The following MED23 variants were observed in gnomAD, a reference collection of about 807,000 sequenced individuals.
MED23 encodes mediator of RNA polymerase II transcription subunit 23.
In MED23, 105 loss-of-function variants were observed where a neutral mutation model predicts 163.9. That is an observed-to-expected ratio of 0.64 (90% CI 0.55 to 0.75). MED23 has a LOEUF of 0.75. Among genes scored for constraint, MED23 ranks in the 30% least tolerant of loss-of-function variants. The pLI, the probability that MED23 is intolerant of heterozygous loss-of-function variation, is 0.00. For missense variants in MED23, 1,054 were observed against 1,649.0 expected (o/e 0.64, Z 6.25); for synonymous variants, 561 against 565.6 (o/e 0.99, Z 0.12).
intron 8 of MED23, 77 bp from the exon 9 acceptor site, chr6:131,618,596 A>G: frequency 1.0e-6 from 1 of 955,456 alleles, no homozygotes; most frequent in Non-Finnish European, 1.7e-6. Context: ...TATTTAATGA[A>G]CATATATGCT....
At chr6:131,617,989 T>C (rs1391727303) in intron 9 of MED23, among the ~76,000 whole-genome samples, 1 of 152,240 alleles carries the variant, frequency 6.6e-6, no homozygotes, top group Non-Finnish European at 1.5e-5. Context: ...AATTCTGTTT[T>C]ACAAGTGTAA....
intron 17 of MED23, among the ~76,000 whole-genome samples, chr6:131,601,247 C>T (rs1367162451): frequency 3.9e-5 from 6 of 152,106 alleles, no homozygotes; most frequent in Admixed American, 6.6e-5. Flanking sequence ...GTATCTACCA[C>T]GACATGATAG....
chr6:131,601,560 A>G (rs1042541275), intron 17 of MED23, among the ~76,000 whole-genome samples: 1 of 152,232 alleles, frequency 6.6e-6, no homozygotes, highest in African/African-American at 2.4e-5. Context: ...GTCAAAGAAC[A>G]TTCCCAATTA....
chr6:131,618,723 A>G (rs1776870535), intron 8 of MED23, among the ~76,000 whole-genome samples: 1 of 152,214 alleles, frequency 6.6e-6, no homozygotes, highest in Non-Finnish European at 1.5e-5. Context: ...AGGCTTTCCA[A>G]AGTTGAAAAT....
downstream of MED23, chr6:131,583,882 A>AT (rs1420954130): frequency 2.5e-5 from 41 of 1,614,150 alleles, no homozygotes; most frequent in Non-Finnish European, 3.5e-5. Context: ...TCACAAGCCT[A>AT]TTGACTACCT....
At position 131,608,017 on chromosome 6, in the gene MED23, G is replaced by A. The variant is rs770689010; in HGVS notation, c.1132C>T (p.Gln378Ter). ...TTCTGAATACTTCCAGAAATGAATTGCAGGAGAACCCACATAAGATGATCT... is the reference window on the plus strand; with the variant it reads ...TTCTGAATACTTCCAGAAATGAATTACAGGAGAACCCACATAAGATGATCT... ...GRDHLMWVLL[Q>*]FISGSIQKNA... The change falls in exon 12 of 29, where the codon CAA becomes TAA. Residue 378 changes from glutamine to a stop codon, truncating the protein, a stop_gained. Transcript: ENST00000368068. LOFTEE classifies it high-confidence loss of function. The A allele has an allele frequency of 6.2e-7, 1 of 1,613,824 alleles. No individual in the cohort carries two copies. Among genetic ancestry groups the A allele is most frequent in the Admixed American group, 1.7e-5 (1 of 60,006 alleles).
intron 23 of MED23, 64 bp from the exon 24 acceptor site, chr6:131,593,235 G>A (rs563682431): frequency 5.0e-4 from 801 of 1,590,824 alleles, no homozygotes; most frequent in Non-Finnish European, 6.7e-4. Context: ...ATCTGATTAT[G>A]AGCTGCCAAG....
chr6:131,587,741 T>G lies in MED23; in HGVS notation c.4045A>C (p.Asn1349His). The G allele has an allele frequency of 6.2e-7, 1 of 1,614,160 alleles. No homozygotes were observed. The highest frequency in any genetic ancestry group is 8.5e-7 in the Non-Finnish European group (1 of 1,179,998). ...EPAAVPPQAM[N>H]SGSPAPQSNQ... ...GACTGAGGTGCTGGAGACCCACTGT[T>G]CATGGCTTGTGGAGGCACTGCAGCT... The change falls in exon 29 of 29, where the codon AAC (asparagine) becomes CAC (histidine). Residue 1349 changes from asparagine (N) to histidine (H), a missense_variant. Physicochemically the swap from Asn to His is moderately conservative, Grantham distance 68 (BLOSUM62 1). Coordinates refer to ENST00000368068, the MANE Select transcript of MED23 (RefSeq NM_004830.4).
Position 131,587,047 on chromosome 6 carries a change from A to G in MED23, c.*632T>C. The G allele has an allele frequency of 7.1e-7, 1 of 1,417,158 alleles. No homozygotes were observed. The highest frequency in any genetic ancestry group is 2.6e-5 in the East Asian group (1 of 38,146). 87.8% of individuals were successfully genotyped at this position (1,417,158 alleles called of 1,614,324 possible). On this transcript the variant is annotated 3_prime_UTR_variant, in exon 29 of 29. Transcript: ENST00000368068. Reference sequence around the variant, plus strand: ...ATGTTATTTTCTTACATGGCTTCCAACTAATTTTATACAGTAAGTTCAAGT... The same window carrying G: ...ATGTTATTTTCTTACATGGCTTCCAGCTAATTTTATACAGTAAGTTCAAGT...
intron 3 of MED23, 45 bp downstream of exon 3, chr6:131,627,351 A>T: frequency 5.5e-5 from 65 of 1,177,142 alleles, no homozygotes; most frequent in Non-Finnish European, 7.2e-5. Flanking sequence ...AAAAAAGAAG[A>T]GGCCAAAAAT....
intron 25 of MED23, 104 bp downstream of exon 25, chr6:131,592,284 G>A: frequency 4.3e-6 from 4 of 928,132 alleles, no homozygotes; most frequent in Middle Eastern, 2.2e-4. Context: ...TAATTTGCAT[G>A]ACGTCCCGTA....
chr6:131,619,846 T>C lies in MED23; in HGVS notation c.648A>G (p.Ala216=). The change falls in exon 8 of 29, where the codon GCA becomes GCG. Residue 216 remains alanine, a synonymous_variant. Transcript: ENST00000368068. The stretch of plus-strand genomic sequence containing the variant: ...TCCTACCACAAATGGAGTTTATCCT[T>C]GCTGTGGGCCTGAAGGTATCCACAA... ...SDFVDTFRPT[A]RINSICGRCS... is the part of the protein sequence containing the mutation. 1 of 1,611,058 alleles carries C rather than the reference T, an allele frequency of 6.2e-7. No individual in the cohort carries two copies. Among genetic ancestry groups the C allele is most frequent in the Non-Finnish European group, 8.5e-7 (1 of 1,177,628 alleles).
In MED23 at chr6:131,587,013, A is replaced by G; in HGVS notation, c.*666T>C. ...ATTTAAGCATGATTTTAAGTTCAAG[A>G]ATTTTCAGATGTTATTTTCTTACAT... On this transcript the variant is annotated 3_prime_UTR_variant, in exon 29 of 29. Transcript: ENST00000368068. 16 of 1,450,796 alleles carry G rather than the reference A, an allele frequency of 1.1e-5. No homozygotes were observed. The highest frequency in any genetic ancestry group is 1.3e-5 in the Non-Finnish European group (14 of 1,100,064). The allele number at this position is 1,450,796 out of a possible 1,614,324, so 89.9% of individuals were successfully genotyped here. A position where few individuals can be genotyped will look rare whatever the true frequency, so the allele number is the denominator to read the frequency against.
At chr6:131,613,474 A>C (rs1315186937) in intron 10 of MED23, among the ~76,000 whole-genome samples, 1 of 152,190 alleles carries the variant, frequency 6.6e-6, no homozygotes, top group Non-Finnish European at 1.5e-5. Context: ...AAAGGACAAG[A>C]AAGTATAGTG....
chr6:131,577,063 G>C (rs551471357), intron 30 of MED23, among the ~76,000 whole-genome samples: 125 of 152,254 alleles, frequency 8.2e-4, no homozygotes, highest in African/African-American at 2.9e-3. Flanking sequence ...CAGGAAGTAT[G>C]CTACTAGCAA....
chr6:131,616,032 C>T, intron 9 of MED23, 30 bp from the exon 10 acceptor site: 1 of 1,523,360 alleles, frequency 6.6e-7, no homozygotes, highest in South Asian at 1.1e-5. Flanking sequence ...ATCATTGCTT[C>T]AAGATCAATG....
chr6:131,623,581 T>C, intron 4 of MED23, 119 bp from the exon 5 acceptor site: 1 of 797,516 alleles, frequency 1.3e-6, no homozygotes, highest in Non-Finnish European at 2.2e-6. Context: ...GTAGTTCCCA[T>C]AATCCCCACG....
intron 30 of MED23, chr6:131,579,294 G>T: frequency 3.1e-6 from 5 of 1,613,736 alleles, no homozygotes; most frequent in South Asian, 1.1e-5. Context: ...AGGTCTTGTT[G>T]AATAACTGTG....
Position 131,620,748 on chromosome 6 carries a change from C to T in MED23, c.496-19G>A. On this transcript the variant is annotated intron_variant, in intron 6 of 28. Coordinates refer to ENST00000368068, the MANE Select transcript of MED23 (RefSeq NM_004830.4). Reference sequence around the variant, plus strand: ...CTATAACCTAAGAAAAACAAAAAGGCCACATCATTCTTGACTAGTCCCACA... The same window carrying T: ...CTATAACCTAAGAAAAACAAAAAGGTCACATCATTCTTGACTAGTCCCACA... 1.4e-6 allele frequency: 2 copies of T among 1,475,560 alleles called. 1 individual carries two copies. The highest frequency in any genetic ancestry group is 1.9e-6 in the Non-Finnish European group (2 of 1,054,978). 91.4% of individuals were successfully genotyped at this position (1,475,560 alleles called of 1,614,324 possible).
Sources: allele counts gnomAD v4.1 joint callset (sites outside exome capture counted in the v4.1 genomes callset), GRCh38; gene constraint gnomAD v4.1.1; transcripts MANE v1.5; gene names NCBI Gene and HGNC (gene_info 2026-07-23, HGNC 2026-07-21).